MAST4: variants seen among roughly 807,000 people sequenced by gnomAD.
MAST4 encodes the protein microtubule associated serine/threonine kinase family member 4.
MAST4 carries 89 observed loss-of-function variants against 162.7 expected under a neutral mutation model. The observed-to-expected ratio is 0.55, with a 90% CI of 0.46 to 0.65. The LOEUF is 0.65. Ranked by LOEUF, MAST4 falls within the 30% of genes least tolerant of loss-of-function variation. The pLI is 0.00. For synonymous variants in MAST4, 1,479 were observed against 1,361.1 expected (o/e 1.09, Z -1.91); for missense variants, 3,153 against 3,374.0 (o/e 0.93, Z 1.62).
intron 3 of MAST4, among the ~76,000 whole-genome samples, chr5:66,818,687 T>C (rs1756850053): frequency 6.6e-6 from 1 of 152,220 alleles, no homozygotes; most frequent in Non-Finnish European, 1.5e-5. Flanking sequence ...CTGAAAGTTC[T>C]GCAGGGCAGC....
At chr5:66,767,170 C>CGTGT (rs60766673) in intron 2 of MAST4, among the ~76,000 whole-genome samples, 5,722 of 139,466 alleles carry the variant, frequency 0.041, 130 homozygotes, top group South Asian at 0.096. Context: ...GTAAAGTGCA[C>CGTGT]GTGTGTGTGT....
chr5:66,764,630 T>A (rs981551373), intron 2 of MAST4, among the ~76,000 whole-genome samples: 1 of 151,844 alleles, frequency 6.6e-6, no homozygotes, highest in East Asian at 1.9e-4. Context: ...AACAAAAAAG[T>A]TTAAAAAGTA....
At chr5:66,746,009 T>A (rs895163620) in intron 1 of MAST4, among the ~76,000 whole-genome samples, 3 of 152,122 alleles carry the variant, frequency 2.0e-5, no homozygotes, top group Non-Finnish European at 2.9e-5. Flanking sequence ...GAAATTTGGG[T>A]TCTGGTCTGC....
intron 1 of MAST4, among the ~76,000 whole-genome samples, chr5:66,708,997 G>A (rs1430269805): frequency 2.0e-5 from 3 of 152,078 alleles, no homozygotes; most frequent in Admixed American, 6.5e-5. Flanking sequence ...TTTACTAGGA[G>A]CACAACTAGT....
Position 66,683,634 on chromosome 5 carries a change from C to T in MAST4, c.364-76075C>T, listed in dbSNP as rs977873660. ...TCTGGGGCAGATGTCCCTGAGCAGC[C>T]GTGCCCACCTAAAAACCACTCCGGA... On this transcript the variant is annotated intron_variant, in intron 1 of 28. Coordinates refer to ENST00000403625, the MANE Select transcript of MAST4 (RefSeq NM_001164664.2). Among the ~76,000 whole-genome samples, 5 of 152,110 alleles carry T rather than the reference C, an allele frequency of 3.3e-5. No homozygotes were observed. The East Asian group carries it at 5.8e-4, about 18-fold the overall frequency.
At chr5:66,695,187 A>C (rs1044316014) in intron 1 of MAST4, among the ~76,000 whole-genome samples, 2 of 152,036 alleles carry the variant, frequency 1.3e-5, no homozygotes, top group African/African-American at 4.8e-5. Context: ...TCTTGAGTTA[A>C]TTGTCTAAGG....
At chr5:66,742,769 C>A (rs573953464) in intron 1 of MAST4, among the ~76,000 whole-genome samples, 2 of 152,032 alleles carry the variant, frequency 1.3e-5, no homozygotes, top group African/African-American at 4.8e-5. Context: ...TTCTGGCAAG[C>A]GGAGGTGTCA....
At chr5:67,034,312 A>G (rs1014124517) in intron 4 of MAST4, among the ~76,000 whole-genome samples, 4 of 152,122 alleles carry the variant, frequency 2.6e-5, no homozygotes, top group Admixed American at 6.5e-5. Context: ...TCTGCAACCT[A>G]TATGGAAAAG....
chr5:66,785,618 C>A (rs1755077399), intron 2 of MAST4, among the ~76,000 whole-genome samples: 1 of 152,064 alleles, frequency 6.6e-6, no homozygotes, highest in South Asian at 2.1e-4. Context: ...TGTATTTTAG[C>A]TATTACTTTA....
At chr5:66,903,137 CAGTAA>C (rs2149987306) in intron 4 of MAST4, among the ~76,000 whole-genome samples, 1 of 151,938 alleles carries the variant, frequency 6.6e-6, no homozygotes, top group East Asian at 1.9e-4. Flanking sequence ...CAGGCATTTA[CAGTAA>C]AGGTGTAAAA....
chr5:66,675,575 T>C (rs1291027281), intron 1 of MAST4, among the ~76,000 whole-genome samples: 2 of 152,148 alleles, frequency 1.3e-5, no homozygotes, highest in African/African-American at 2.4e-5. Flanking sequence ...TGTTGGGTAA[T>C]GTGAGTGATG....
chr5:66,848,599 C>T (rs1759066873), intron 3 of MAST4, among the ~76,000 whole-genome samples: 1 of 152,180 alleles, frequency 6.6e-6, no homozygotes, highest in Admixed American at 6.5e-5. Flanking sequence ...TTGTTATTGC[C>T]TTTTATCACT....
intron 3 of MAST4, among the ~76,000 whole-genome samples, chr5:66,876,621 A>G (rs933404280): frequency 2.6e-5 from 4 of 152,214 alleles, no homozygotes; most frequent in African/African-American, 4.8e-5. Flanking sequence ...CGATCTGTTG[A>G]AGCCACTCCG....
At chr5:66,834,768 A>G (rs258082) in intron 3 of MAST4, among the ~76,000 whole-genome samples, 78,697 of 151,976 alleles carry the variant, frequency 0.52, 20,689 homozygotes, top group East Asian at 0.69. Context: ...CTCCAATCAG[A>G]CTCTTAATCC....
intron 11 of MAST4, among the ~76,000 whole-genome samples, chr5:67,112,985 G>A (rs980729445): frequency 6.6e-6 from 1 of 152,064 alleles, no homozygotes; most frequent in Non-Finnish European, 1.5e-5. Flanking sequence ...TATTACTTTG[G>A]AGATTCCAAG....
At chr5:67,023,535 A>G (rs192709650) in intron 4 of MAST4, among the ~76,000 whole-genome samples, 1 of 152,264 alleles carries the variant, frequency 6.6e-6, no homozygotes, top group East Asian at 1.9e-4. Flanking sequence ...GCTCATGGAG[A>G]ATCAAAGTGA....
chr5:67,147,883 T>C (rs899232351), intron 23 of MAST4, among the ~76,000 whole-genome samples: 1 of 152,226 alleles, frequency 6.6e-6, no homozygotes, highest in Non-Finnish European at 1.5e-5. Context: ...ATGGGTGTTA[T>C]GTGGAAGTCC....
At chr5:66,825,509 AAAC>A (rs1333007138) in intron 3 of MAST4, among the ~76,000 whole-genome samples, 4 of 152,226 alleles carry the variant, frequency 2.6e-5, no homozygotes, top group Non-Finnish European at 5.9e-5. Context: ...TCCTTGTACC[AAAC>A]ATCACCATGG....
At chr5:66,926,721 T>C (rs1764934124) in intron 4 of MAST4, among the ~76,000 whole-genome samples, 1 of 152,088 alleles carries the variant, frequency 6.6e-6, no homozygotes, top group Non-Finnish European at 1.5e-5. Flanking sequence ...ACATTGATAG[T>C]TTTTTGTTGC....
Sources: gnomAD v4.1 joint callset for allele counts (sites outside exome capture counted in the v4.1 genomes callset) on GRCh38, gnomAD v4.1.1 for gene constraint, MANE v1.5 for transcripts, NCBI Gene and HGNC (gene_info 2026-07-23, HGNC 2026-07-21) for gene names.